The following C1QTNF3 variants were observed in gnomAD, a reference collection of about 807,000 sequenced individuals.
C1QTNF3 encodes the protein complement C1q tumor necrosis factor-related protein 3.
C1QTNF3 carries 26 observed loss-of-function variants against 32.6 expected under a neutral mutation model. The ratio of observed to expected loss-of-function variants is 0.80; its 90% CI spans 0.58 to 1.11. C1QTNF3 has a LOEUF of 1.11. Among genes scored for constraint, C1QTNF3 ranks in the 50% least tolerant of loss-of-function variants. The pLI is 0.00. For missense variants in C1QTNF3, 362 were observed against 398.2 expected (o/e 0.91, Z 0.77); for synonymous variants, 155 against 146.0 (o/e 1.06, Z -0.44).
At chr5:34,046,146 C>G (rs147473694), upstream of C1QTNF3, among the ~76,000 whole-genome samples, 992 of 152,188 alleles carry the variant, frequency 6.5e-3, 13 homozygotes, top group African/African-American at 0.023. Flanking sequence ...TGGGAGAGAC[C>G]AAATAAGGCA....
chr5:34,145,914 T>C, the C1QTNF3 span, among the ~76,000 whole-genome samples: 1 of 152,274 alleles, frequency 6.6e-6, no homozygotes, highest in South Asian at 2.1e-4. Context: ...CATATGATTA[T>C]TTCAACAGAT....
At chr5:34,030,952 G>A (rs2112109276) in intron 3 of C1QTNF3, among the ~76,000 whole-genome samples, 1 of 152,212 alleles carries the variant, frequency 6.6e-6, no homozygotes, top group East Asian at 1.9e-4. Flanking sequence ...GGTGGGAGGA[G>A]GGAGAGAATC....
chr5:34,040,990 T>A (rs1754857951), intron 1 of C1QTNF3, among the ~76,000 whole-genome samples: 1 of 152,212 alleles, frequency 6.6e-6, no homozygotes, highest in Non-Finnish European at 1.5e-5. Flanking sequence ...TTATCTCTAC[T>A]ACAGCCCTTC....
the C1QTNF3 span, among the ~76,000 whole-genome samples, chr5:34,141,920 C>T: frequency 3.9e-5 from 6 of 152,138 alleles, 1 homozygote; most frequent in Admixed American, 1.3e-4. Flanking sequence ...GTCTTGTTGT[C>T]CCAGGAATTC....
intron 4 of C1QTNF3, among the ~76,000 whole-genome samples, chr5:34,027,977 C>T (rs1754511718): frequency 6.6e-6 from 1 of 151,760 alleles, no homozygotes; most frequent in African/African-American, 2.4e-5. Flanking sequence ...CATAAACAAG[C>T]TCTTTTTTTT....
At chr5:34,144,576 C>A in the C1QTNF3 span, among the ~76,000 whole-genome samples, 2 of 152,038 alleles carry the variant, frequency 1.3e-5, no homozygotes, top group South Asian at 2.1e-4. Flanking sequence ...ATCATACAAA[C>A]CACACTTTCA....
the C1QTNF3 span, chr5:34,158,836 T>A: frequency 6.6e-6 from 1 of 152,136 alleles, no homozygotes; most frequent in African/African-American, 2.4e-5. Context: ...TATGGATTAA[T>A]TACAATCAGA....
chr5:34,176,419 C>CAA, the C1QTNF3 span, among the ~76,000 whole-genome samples: 4 of 98,642 alleles, frequency 4.1e-5, no homozygotes, highest in African/African-American at 1.2e-4. Flanking sequence ...AAAAAAAATA[C>CAA]AAAAAAAAAA....
the C1QTNF3 span, among the ~76,000 whole-genome samples, chr5:34,131,727 G>A: frequency 4.3e-4 from 65 of 152,276 alleles, no homozygotes; most frequent in African/African-American, 1.4e-3. Flanking sequence ...TGGGATGACC[G>A]TAGTTGATAA....
the C1QTNF3 span, among the ~76,000 whole-genome samples, chr5:34,076,113 C>A: frequency 2.6e-5 from 4 of 151,328 alleles, no homozygotes; most frequent in East Asian, 5.8e-4. Flanking sequence ...TGTCAGTGAC[C>A]GTATGCAGTA....
the C1QTNF3 span, among the ~76,000 whole-genome samples, chr5:34,157,901 C>G: frequency 9.2e-5 from 14 of 152,174 alleles, no homozygotes; most frequent in Admixed American, 8.5e-4. Flanking sequence ...TTCAATACTT[C>G]AGCAATACAA....
At chr5:34,236,216 A>G in the C1QTNF3 span, among the ~76,000 whole-genome samples, 1 of 152,204 alleles carries the variant, frequency 6.6e-6, no homozygotes. Context: ...TCAAAATAGA[A>G]CATAAATGTT....
At chr5:34,229,236 T>A in the C1QTNF3 span, among the ~76,000 whole-genome samples, 1 of 151,958 alleles carries the variant, frequency 6.6e-6, no homozygotes, top group Admixed American at 6.6e-5. Context: ...TTCTCACATT[T>A]ACATATCATA....
chr5:34,123,358 A>G, the C1QTNF3 span, among the ~76,000 whole-genome samples: 1 of 152,228 alleles, frequency 6.6e-6, no homozygotes, highest in Non-Finnish European at 1.5e-5. Flanking sequence ...ACATGCATGC[A>G]TCCATATCTA....
chr5:34,082,364 T>G, the C1QTNF3 span, among the ~76,000 whole-genome samples: 2 of 151,464 alleles, frequency 1.3e-5, no homozygotes, highest in African/African-American at 4.9e-5. Flanking sequence ...ACCATTTAAA[T>G]AATTCTATTA....
At chr5:34,156,309 G>A in the C1QTNF3 span, among the ~76,000 whole-genome samples, 49 of 152,248 alleles carry the variant, frequency 3.2e-4, no homozygotes, top group Admixed American at 7.8e-4. Context: ...GACCTCAGGT[G>A]ATCCACCCGC....
chr5:34,195,839 C>CAAA, the C1QTNF3 span, among the ~76,000 whole-genome samples: 15 of 92,422 alleles, frequency 1.6e-4, no homozygotes, highest in Admixed American at 9.2e-4. Context: ...GACTCTGTCT[C>CAAA]AAAAAAAAAA....
At chr5:34,067,298 C>T in the C1QTNF3 span, among the ~76,000 whole-genome samples, 1 of 152,360 alleles carries the variant, frequency 6.6e-6, no homozygotes, top group East Asian at 1.9e-4. Context: ...ATTGCTTCCA[C>T]ATTTTCAAGA....
chr5:34,158,809 AAAAC>A, the C1QTNF3 span: 1 of 152,068 alleles, frequency 6.6e-6, no homozygotes, highest in African/African-American at 2.4e-5. Context: ...AATCTACTAA[AAAAC>A]AAAGAAATAA....
Sources: gnomAD v4.1 joint callset for allele counts (sites outside exome capture counted in the v4.1 genomes callset) on GRCh38, gnomAD v4.1.1 for gene constraint, MANE v1.5 for transcripts, NCBI Gene and HGNC (gene_info 2026-07-23, HGNC 2026-07-21) for gene names.